SYT11: variants seen among roughly 807,000 people sequenced by gnomAD.
SYT11 encodes synaptotagmin 11, also known as synaptotagmin-11.
SYT11 carries 12 observed loss-of-function variants against 30.4 expected under a neutral mutation model. The observed-to-expected ratio is 0.39, with a 90% CI of 0.25 to 0.64. The LOEUF (loss-of-function observed/expected upper bound fraction) is 0.64. Among genes scored for constraint, SYT11 ranks in the 30% least tolerant of loss-of-function variants. The probability of loss-of-function intolerance (pLI) is 0.45; values close to 1 mark genes in which losing one functional copy is unlikely to be tolerated. For missense variants in SYT11, 412 were observed against 552.0 expected, an observed-to-expected ratio of 0.75 and a Z score of 2.54; for synonymous variants, 204 against 216.0, an observed-to-expected ratio of 0.94 and a Z score of 0.49.
At chr1:155,875,822 A>C (rs1334165728) in intron 2 of SYT11, among the ~76,000 whole-genome samples, 1 of 152,212 alleles carries the variant, frequency 6.6e-6, no homozygotes, top group Non-Finnish European at 1.5e-5. Context: ...GAGATGACTT[A>C]AGGCCTACAA....
chr1:155,874,443 T>C (rs958316404), intron 2 of SYT11, among the ~76,000 whole-genome samples: 22 of 151,504 alleles, frequency 1.5e-4, no homozygotes, highest in Middle Eastern at 3.2e-3. Context: ...TTACCAAGAA[T>C]ACAAAAATTA....
chr1:155,859,939 A>G (rs1672524096), intron 1 of SYT11, 144 bp downstream of exon 1: 5 of 782,312 alleles, frequency 6.4e-6, no homozygotes, highest in Non-Finnish European at 1.1e-5. Context: ...GGTGGTGGGT[A>G]GTGGGTAGTG....
Position 155,885,122 on chromosome 1 carries a change from G to A in SYT11, c.*3614G>A. ...ATGCTGTAATGCTAATCTACAATAT[G>A]TAATGCTATCTTGTATGTTGAATTT... On this transcript the variant is annotated 3_prime_UTR_variant, in exon 4 of 4. Coordinates refer to ENST00000368324, the MANE Select transcript of SYT11 (RefSeq NM_152280.5). 6.6e-6 allele frequency: 1 copy of A among 152,614 alleles called. No homozygotes were observed. The highest frequency in any genetic ancestry group is 1.9e-4 in the East Asian group (1 of 5,318). The allele number at this position is 152,614 out of a possible 1,614,324, so 9.5% of individuals were successfully genotyped here.
chr1:155,879,813 T>G (rs1429387967), intron 2 of SYT11, among the ~76,000 whole-genome samples: 1 of 152,280 alleles, frequency 6.6e-6, no homozygotes, highest in Non-Finnish European at 1.5e-5. Flanking sequence ...CTGATAATGC[T>G]ATGTGGTAGG....
chr1:155,863,782 G>A (rs774920554), intron 1 of SYT11, among the ~76,000 whole-genome samples: 4 of 152,070 alleles, frequency 2.6e-5, no homozygotes, highest in African/African-American at 7.2e-5. Flanking sequence ...CTGGCCAGGT[G>A]TAGTGGCATG....
At chr1:155,876,964 CTTTT>C (rs11337901) in intron 2 of SYT11, among the ~76,000 whole-genome samples, 2 of 117,008 alleles carry the variant, frequency 1.7e-5, no homozygotes, top group Non-Finnish European at 1.8e-5. Context: ...TTTTCTATTT[CTTTT>C]TTTTTTTTTT....
rs1306502327 is a variant in SYT11, at chr1:155,882,174, G to A, written c.*666G>A. On this transcript the variant is annotated 3_prime_UTR_variant, in exon 4 of 4. Transcript: ENST00000368324. ...GCCTAACTGCCAATATCAAGTTGCA[G>A]ATTTTAATCCATGGAAATTGTGTTT... 6.6e-6 allele frequency: 1 copy of A among 152,164 alleles called. No individual in the cohort carries two copies. The highest frequency in any genetic ancestry group is 1.5e-5 in the Non-Finnish European group (1 of 68,014). 9.4% of individuals were successfully genotyped at this position (152,164 alleles called of 1,614,324 possible). A position where few individuals can be genotyped will look rare whatever the true frequency, so the allele number is the denominator to read the frequency against.
chr1:155,867,835 A>G, intron 1 of SYT11, 130 bp from the exon 2 acceptor site: 1 of 711,458 alleles, frequency 1.4e-6, no homozygotes, highest in East Asian at 2.7e-5. Context: ...TCTGAAGCCC[A>G]GATGAGCACA....
At chr1:155,871,769 C>T (rs1483061811) in intron 2 of SYT11, among the ~76,000 whole-genome samples, 2 of 152,182 alleles carry the variant, frequency 1.3e-5, no homozygotes, top group Admixed American at 6.5e-5. Flanking sequence ...CTTCCAGCCT[C>T]CCAGGCTTCC....
At chr1:155,864,581 T>C (rs758901626) in intron 1 of SYT11, among the ~76,000 whole-genome samples, 6 of 152,184 alleles carry the variant, frequency 3.9e-5, no homozygotes, top group Non-Finnish European at 7.4e-5. Flanking sequence ...TAGTCCAAGA[T>C]TGTGGTTGCC....
chr1:155,878,340 T>C (rs1672902443), intron 2 of SYT11, among the ~76,000 whole-genome samples: 1 of 152,174 alleles, frequency 6.6e-6, no homozygotes, highest in African/African-American at 2.4e-5. Flanking sequence ...AGCCCTTTAC[T>C]CTAGCCTTGC....
intron 1 of SYT11, among the ~76,000 whole-genome samples, chr1:155,863,735 A>G (rs1672627931): frequency 6.6e-6 from 1 of 152,138 alleles, no homozygotes; most frequent in African/African-American, 2.4e-5. Flanking sequence ...AGCGTGGCCA[A>G]TATGGTGAAA....
At chr1:155,881,098 C>A in intron 3 of SYT11, 100 bp from the exon 4 acceptor site, 1 of 1,303,130 alleles carries the variant, frequency 7.7e-7, no homozygotes, top group Non-Finnish European at 1.1e-6. Flanking sequence ...AAGATACGAA[C>A]AACAGAGCCC....
In SYT11 at chr1:155,868,272, C is replaced by G. The variant is rs1672719710; in HGVS notation, c.342C>G (p.Ser114Arg). 25 of 1,614,048 alleles carry G rather than the reference C, an allele frequency of 1.5e-5. No individual in the cohort carries two copies. Among genetic ancestry groups the G allele is most frequent in the Non-Finnish European group, 2.0e-5 (24 of 1,180,002 alleles). ...LSRDKDPRGP[S>R]SGSCIDQLPI... ...GAGACAAAGATCCCAGGGGGCCTAG[C>G]TCTGGATCTTGTATAGACCAATTAC... Residue 114 changes from serine to arginine, a missense_variant, in exon 2 of 4, where the codon AGC (serine) becomes AGG (arginine). Coordinates refer to ENST00000368324, the MANE Select transcript of SYT11 (RefSeq NM_152280.5). The surrounding 1 kb of genome is among the most constrained non-coding windows in gnomAD (Gnocchi z 4.7).
At chr1:155,870,994 T>C (rs1003458565) in intron 2 of SYT11, among the ~76,000 whole-genome samples, 1 of 152,192 alleles carries the variant, frequency 6.6e-6, no homozygotes, top group Non-Finnish European at 1.5e-5. Context: ...AAGAAGGGTT[T>C]ATTGAGGTTA....
In SYT11 at chr1:155,883,700, A is replaced by G. The variant is rs931991846; in HGVS notation, c.*2192A>G. The G allele has an allele frequency of 6.6e-6, 1 of 152,106 alleles. No individual in the cohort carries two copies. Among genetic ancestry groups the G allele is most frequent in the African/African-American group, 2.4e-5 (1 of 41,416 alleles). The allele number at this position is 152,106 out of a possible 1,614,324, so 9.4% of individuals were successfully genotyped here. A position where few individuals can be genotyped will look rare whatever the true frequency, so the allele number is the denominator to read the frequency against. On this transcript the variant is annotated 3_prime_UTR_variant, in exon 4 of 4. Transcript: ENST00000368324. Reference sequence around the variant, plus strand: ...GTGTTCACTTCCATAGAAGAACATCACTTTTAACCTTGCTTTGGCGAAGGG... The same window carrying G: ...GTGTTCACTTCCATAGAAGAACATCGCTTTTAACCTTGCTTTGGCGAAGGG...
In SYT11 at chr1:155,885,022, A is replaced by C. The variant is rs569383862; in HGVS notation, c.*3514A>C. On this transcript the variant is annotated 3_prime_UTR_variant, in exon 4 of 4. Transcript: ENST00000368324. ...TTCTCTTGTAAAAATGAAACTCAAA[A>C]ATAAAATAAATGTGTCAAATTTTGA... The C allele has an allele frequency of 4.1e-4, 63 of 152,880 alleles. 1 individual carries two copies. Among genetic ancestry groups the C allele is most frequent in the Admixed American group, 1.8e-3 (28 of 15,302 alleles). 9.5% of individuals were successfully genotyped at this position (152,880 alleles called of 1,614,324 possible).
At chr1:155,861,828 G>T (rs894856936) in intron 1 of SYT11, among the ~76,000 whole-genome samples, 1 of 152,186 alleles carries the variant, frequency 6.6e-6, no homozygotes, top group Non-Finnish European at 1.5e-5. Context: ...ATGTTGGTCA[G>T]GCTGGTCTTG....
intron 2 of SYT11, among the ~76,000 whole-genome samples, chr1:155,874,998 T>G (rs1263288136): frequency 6.6e-6 from 1 of 150,480 alleles, no homozygotes; most frequent in Non-Finnish European, 1.5e-5. Flanking sequence ...CTCACGCCTG[T>G]AATCCCCGCA....
Sources: gnomAD v4.1 joint callset for allele counts (sites outside exome capture counted in the v4.1 genomes callset) on GRCh38, gnomAD v4.1.1 for gene constraint, Gnocchi (gnomAD v3.1) non-coding constraint, MANE v1.5 for transcripts, NCBI Gene and HGNC (gene_info 2026-07-23, HGNC 2026-07-21) for gene names.